Variants in GNS observed in about 807,000 individuals in gnomAD.
GNS encodes glucosamine (N-acetyl)-6-sulfatase, also known as N-acetylglucosamine-6-sulfatase.
A neutral mutation model predicts 69.7 loss-of-function variants in GNS; 40 were observed. The observed-to-expected ratio is 0.57, with a 90% CI of 0.45 to 0.75. The LOEUF is 0.75. Ranked by LOEUF, GNS falls within the 30% of genes least tolerant of loss-of-function variation. The pLI is 0.00. For missense variants in GNS, 565 were observed against 685.5 expected (o/e 0.82, Z 1.96); for synonymous variants, 243 against 251.6 (o/e 0.97, Z 0.32).
intron 8 of GNS, among the ~76,000 whole-genome samples, chr12:64,738,832 A>AT: frequency 6.6e-6 from 1 of 151,242 alleles, no homozygotes; most frequent in East Asian, 1.9e-4. Flanking sequence ...CCCCCAAAAA[A>AT]ATCACAATAA....
Position 64,743,135 on chromosome 12 carries a change from A to C in GNS, c.792+6T>G. On this transcript the variant is annotated splice_donor_region_variant and intron_variant, in intron 6 of 13. Coordinates refer to ENST00000258145, the MANE Select transcript of GNS (RefSeq NM_002076.4). ...ATGGCTGAATACAAGTGGTGGGGGA[A>C]GCTACCGTTCCATGGATGTTGAAGT... 3.1e-6 allele frequency: 5 copies of C among 1,604,384 alleles called. No homozygotes were observed. The highest frequency in any genetic ancestry group is 1.1e-5 in the South Asian group (1 of 90,874).
intron 12 of GNS, among the ~76,000 whole-genome samples, chr12:64,720,716 C>T (rs1043896703): frequency 2.7e-4 from 41 of 152,184 alleles, no homozygotes; most frequent in African/African-American, 9.9e-4. Context: ...GGACACAATA[C>T]TAATTATTAT....
intron 9 of GNS, 37 bp downstream of exon 9, chr12:64,736,967 C>G (rs1401381301): frequency 1.0e-6 from 1 of 1,003,304 alleles, no homozygotes; most frequent in Non-Finnish European, 1.6e-6. Context: ...CAGGCAAGTG[C>G]CTACCTGTCC....
In GNS at chr12:64,715,426, G is replaced by A. The variant is rs1251050581; in HGVS notation, c.*1315C>T. 6.6e-6 allele frequency: 1 copy of A among 152,530 alleles called. No individual in the cohort carries two copies. Among genetic ancestry groups the A allele is most frequent in the Non-Finnish European group, 1.5e-5 (1 of 68,330 alleles). 9.4% of individuals were successfully genotyped at this position (152,530 alleles called of 1,614,324 possible). A position where few individuals can be genotyped will look rare whatever the true frequency, so the allele number is the denominator to read the frequency against. On this transcript the variant is annotated 3_prime_UTR_variant, in exon 14 of 14. Transcript: ENST00000258145. Reference sequence around the variant, plus strand: ...CCAGCTACTCAGGAGGCGGAGGCAGGAGAATCGCTTGAACCCAGGAGGCGA... The same window carrying A: ...CCAGCTACTCAGGAGGCGGAGGCAGAAGAATCGCTTGAACCCAGGAGGCGA...
Position 64,740,609 on chromosome 12 carries a change from T to C in GNS, c.872A>G (p.Lys291Arg), listed in dbSNP as rs1869701367. 1 of 1,518,442 alleles carries C rather than the reference T, an allele frequency of 6.6e-7. No homozygotes were observed. The highest frequency in any genetic ancestry group is 2.2e-5 in the East Asian group (1 of 44,478). The allele number at this position is 1,518,442 out of a possible 1,614,324, so 94.1% of individuals were successfully genotyped here. ...SIQFLDNAFRKRWQTLLSVDD... is the reference protein window; with the variant it reads ...SIQFLDNAFRRRWQTLLSVDD... ...GTTATGTAGCAGCAGCTCTTACCTTTTCCTAAATGCATTATCTAAAAACTG... is the reference window on the plus strand; with the variant it reads ...GTTATGTAGCAGCAGCTCTTACCTTCTCCTAAATGCATTATCTAAAAACTG... The change falls in exon 7 of 14, where the codon AAA becomes AGA. Residue 291 changes from lysine to arginine, a missense_variant. Around this residue, in one of 2 missense-constraint regions of GNS, gnomAD observed 384 missense variants for 511.0 expected, o/e 0.75. Coordinates refer to ENST00000258145, the MANE Select transcript of GNS (RefSeq NM_002076.4).
chr12:64,746,888 G>A (rs530244709), intron 3 of GNS, among the ~76,000 whole-genome samples: 1 of 152,244 alleles, frequency 6.6e-6, no homozygotes, highest in East Asian at 1.9e-4. Context: ...CCAATTATTG[G>A]GGGGAGGGGA....
chr12:64,754,437 T>G (rs1164620582), intron 1 of GNS, among the ~76,000 whole-genome samples: 1 of 151,932 alleles, frequency 6.6e-6, no homozygotes, highest in Admixed American at 6.6e-5. Context: ...GCTGGGTATA[T>G]AGCAAGTACA....
At position 64,747,858 on chromosome 12, in the gene GNS, G is replaced by T; in HGVS notation, c.313C>A (p.His105Asn). The change falls in exon 3 of 14, where the codon CAT becomes AAT. Residue 105 changes from histidine (H) to asparagine (N), a missense_variant. Coordinates refer to ENST00000258145, the MANE Select transcript of GNS (RefSeq NM_002076.4). ...GTGTTGTTCACAACGTGATGATTAT[G>T]TGGGTACTTTCCTGTCAGGATACTG... ...RASILTGKYP[H>N]NHHVVNNTLE... The T allele has an allele frequency of 6.2e-7, 1 of 1,610,622 alleles. No homozygotes were observed. Among genetic ancestry groups the T allele is most frequent in the Non-Finnish European group, 8.5e-7 (1 of 1,176,790 alleles).
chr12:64,743,835 C>T (rs902287052), intron 5 of GNS, among the ~76,000 whole-genome samples: 13 of 152,156 alleles, frequency 8.5e-5, no homozygotes, highest in African/African-American at 3.1e-4. Flanking sequence ...TAAGTTTTGC[C>T]TTTGCTTATC....
In GNS at chr12:64,716,440, AAT is replaced by A; in HGVS notation, c.*299_*300del. On this transcript the variant is annotated 3_prime_UTR_variant, in exon 14 of 14. Transcript: ENST00000258145. ...AAATTCAGTCTTTAACCACAAGAGGAATAATCAAGAACTGTGGCCCCAGGATA... is the reference window on the plus strand; with the variant it reads ...AAATTCAGTCTTTAACCACAAGAGGAAATCAAGAACTGTGGCCCCAGGATA... 1 of 436,666 alleles carries A rather than the reference AAT, an allele frequency of 2.3e-6. No homozygotes were observed. Among genetic ancestry groups the A allele is most frequent in the South Asian group, 2.2e-5 (1 of 44,930 alleles). The allele number at this position is 436,666 out of a possible 1,614,324, so 27.0% of individuals were successfully genotyped here.
Position 64,723,038 on chromosome 12 carries a change from G to C in GNS, c.1276C>G (p.Pro426Ala). The change falls in exon 11 of 14, where the codon CCA becomes GCA. Residue 426 changes from proline (P) to alanine (A), a missense_variant. Around this residue, in one of 2 missense-constraint regions of GNS, gnomAD observed 384 missense variants for 511.0 expected, o/e 0.75. Transcript: ENST00000258145. Reference sequence around the variant, plus strand: ...CCAGGACTCAGGGAAGGGCATGTTGGGTCAGTGACGTTACGGCCTTCTCCT... The same window carrying C: ...CCAGGACTCAGGGAAGGGCATGTTGCGTCAGTGACGTTACGGCCTTCTCCT... ...YQGEGRNVTD[P>A]TCPSLSPGVS... 1.2e-6 allele frequency: 2 copies of C among 1,610,878 alleles called. No homozygotes were observed. Among genetic ancestry groups the C allele is most frequent in the Non-Finnish European group, 1.7e-6 (2 of 1,177,046 alleles).
intron 4 of GNS, among the ~76,000 whole-genome samples, chr12:64,745,260 C>T (rs1277600761): frequency 1.5e-5 from 2 of 131,804 alleles, no homozygotes; most frequent in African/African-American, 5.9e-5. Context: ...CTCTTTGTTG[C>T]CCAGACTGGA....
intron 10 of GNS, among the ~76,000 whole-genome samples, chr12:64,723,729 G>C (rs1398566889): frequency 6.6e-6 from 1 of 152,190 alleles, no homozygotes; most frequent in Non-Finnish European, 1.5e-5. Context: ...AGGAACGGGA[G>C]CAAGTTTTAG....
chr12:64,744,734 G>C (rs1869846686), intron 5 of GNS, 75 bp downstream of exon 5: 3 of 793,812 alleles, frequency 3.8e-6, no homozygotes, highest in Non-Finnish European at 4.6e-6. Flanking sequence ...AAGATTATAG[G>C]TTTTCTAGGC....
chr12:64,745,181 G>A (rs1193880560), intron 4 of GNS, among the ~76,000 whole-genome samples: 2 of 141,054 alleles, frequency 1.4e-5, no homozygotes, highest in Non-Finnish European at 3.0e-5. Flanking sequence ...ATCCCAGAAA[G>A]GAGTGACTCA....
At chr12:64,757,891 G>A (rs1870309162) in intron 1 of GNS, among the ~76,000 whole-genome samples, 1 of 152,220 alleles carries the variant, frequency 6.6e-6, no homozygotes, top group Admixed American at 6.5e-5. Flanking sequence ...CGTCTTGCCT[G>A]GAGTATTTCA....
intron 9 of GNS, among the ~76,000 whole-genome samples, chr12:64,736,114 G>A (rs928743307): frequency 1.3e-5 from 2 of 152,204 alleles, no homozygotes; most frequent in African/African-American, 4.8e-5. Context: ...CTGAAATTGT[G>A]ATATCAGGAA....
chr12:64,743,103 AC>A, intron 6 of GNS, 37 bp downstream of exon 6: 1 of 1,484,060 alleles, frequency 6.7e-7, no homozygotes, highest in South Asian at 1.1e-5. Flanking sequence ...AGTTAATGAT[AC>A]TTAGTATGGC....
chr12:64,715,940 C>T lies in GNS; in HGVS notation c.*801G>A, dbSNP rs1868845200. On this transcript the variant is annotated 3_prime_UTR_variant, in exon 14 of 14. Coordinates refer to ENST00000258145, the MANE Select transcript of GNS (RefSeq NM_002076.4). ...CTAAGCCACTTCATTTTTCAGATCT[C>T]AGAGGGGAGTCTCAAGAGAAGGGAC... 6.6e-6 allele frequency: 1 copy of T among 152,408 alleles called. No homozygotes were observed. Among genetic ancestry groups the T allele is most frequent in the Admixed American group, 6.5e-5 (1 of 15,298 alleles). 9.4% of individuals were successfully genotyped at this position (152,408 alleles called of 1,614,324 possible). A position where few individuals can be genotyped will look rare whatever the true frequency, so the allele number is the denominator to read the frequency against.
Sources: gnomAD v4.1 joint callset for allele counts (sites outside exome capture counted in the v4.1 genomes callset) on GRCh38, gnomAD v4.1.1 for gene constraint, gnomAD v4.1.1 regional missense constraint, MANE v1.5 for transcripts, NCBI Gene and HGNC (gene_info 2026-07-23, HGNC 2026-07-21) for gene names.